Variants in GLI3 observed in about 807,000 individuals in gnomAD.
The protein encoded by GLI3 is transcription activator GLI3.
Under a neutral mutation model 100.8 loss-of-function variants are expected in GLI3, and 20 were observed. The observed-to-expected ratio is 0.20, with a 90% confidence interval of 0.14 to 0.29. GLI3 has a LOEUF of 0.29. GLI3 is among the 10% of genes least tolerant of loss of function. GLI3 has a pLI of 1.00. For missense variants in GLI3, 2,040 were observed against 2,128.5 expected (o/e 0.96, Z 0.82); for synonymous variants, 938 against 860.5 (o/e 1.09, Z -1.58).
chr7:42,201,167 TACA>T (rs953522732), intron 2 of GLI3, among the ~76,000 whole-genome samples: 4 of 152,176 alleles, frequency 2.6e-5, no homozygotes, highest in East Asian at 1.9e-4. Context: ...ATAGAATAAT[TACA>T]ACAATATACT....
intron 10 of GLI3, among the ~76,000 whole-genome samples, chr7:41,993,886 A>G (rs1788053969): frequency 6.6e-6 from 1 of 152,150 alleles, no homozygotes; most frequent in Admixed American, 6.5e-5. Flanking sequence ...AGGGTCCACC[A>G]AGGAGGGCCT....
At chr7:42,098,751 C>T (rs1227307759) in intron 3 of GLI3, among the ~76,000 whole-genome samples, 3 of 152,148 alleles carry the variant, frequency 2.0e-5, no homozygotes, top group Admixed American at 1.3e-4. Flanking sequence ...CCTTATTCCC[C>T]ATTGGGTCAG....
At chr7:42,022,919 T>C (rs1022809486) in intron 10 of GLI3, among the ~76,000 whole-genome samples, 1 of 152,108 alleles carries the variant, frequency 6.6e-6, no homozygotes, top group Non-Finnish European at 1.5e-5. Flanking sequence ...ACTAAATACA[T>C]TTAAAAACAC....
chr7:42,152,963 AC>A (rs1338555407), intron 2 of GLI3, among the ~76,000 whole-genome samples: 1 of 152,198 alleles, frequency 6.6e-6, no homozygotes, highest in African/African-American at 2.4e-5. Flanking sequence ...AGCTCAATTC[AC>A]CCCACACAAA....
chr7:42,078,948 C>T (rs1295294502), intron 3 of GLI3, among the ~76,000 whole-genome samples: 1 of 152,086 alleles, frequency 6.6e-6, no homozygotes, highest in Admixed American at 6.5e-5. Context: ...CCAGGATGGT[C>T]TTGATCTCCT....
intron 4 of GLI3, 70 bp from the exon 5 acceptor site, chr7:42,048,766 C>A: frequency 9.7e-7 from 1 of 1,027,024 alleles, no homozygotes; most frequent in Non-Finnish European, 1.5e-6. Context: ...GAGGCTGTCT[C>A]TGAAAGAAAA....
At chr7:42,232,645 G>T (rs1367962210) in intron 1 of GLI3, among the ~76,000 whole-genome samples, 2 of 152,222 alleles carry the variant, frequency 1.3e-5, no homozygotes, top group Non-Finnish European at 2.9e-5. Flanking sequence ...GGACAATGAT[G>T]TAAGTATTTT....
At chr7:42,231,059 TTTAA>T (rs1257805801) in intron 1 of GLI3, among the ~76,000 whole-genome samples, 4 of 152,240 alleles carry the variant, frequency 2.6e-5, no homozygotes, top group Non-Finnish European at 5.9e-5. Context: ...AAGAAAAAAC[TTTAA>T]TTATTCTTAT....
chr7:42,092,970 C>G (rs899869229), intron 3 of GLI3, among the ~76,000 whole-genome samples: 2 of 151,826 alleles, frequency 1.3e-5, no homozygotes, highest in Non-Finnish European at 2.9e-5. Flanking sequence ...CCCGCCACCA[C>G]GCCTGGCTAA....
intron 3 of GLI3, among the ~76,000 whole-genome samples, chr7:42,136,279 T>A (rs1786426769): frequency 6.6e-6 from 1 of 152,128 alleles, no homozygotes; most frequent in African/African-American, 2.4e-5. Flanking sequence ...AAGGACAACG[T>A]TTTATAAGAC....
intron 2 of GLI3, among the ~76,000 whole-genome samples, chr7:42,205,071 A>G (rs369525091): frequency 1.6e-4 from 24 of 152,364 alleles, no homozygotes; most frequent in African/African-American, 5.0e-4. Flanking sequence ...TTGAGGCTTA[A>G]GAAACTGCTG....
intron 10 of GLI3, among the ~76,000 whole-genome samples, chr7:41,993,677 A>G (rs1788047838): frequency 6.6e-6 from 1 of 152,176 alleles, no homozygotes; most frequent in African/African-American, 2.4e-5. Flanking sequence ...TACTTGCTGG[A>G]GGAATGTGTT....
At chr7:42,055,423 T>C (rs1354901233) in intron 4 of GLI3, among the ~76,000 whole-genome samples, 1 of 152,050 alleles carries the variant, frequency 6.6e-6, no homozygotes, top group Non-Finnish European at 1.5e-5. Flanking sequence ...CGGTTTCCAC[T>C]TAAGGGAAGC....
intron 3 of GLI3, among the ~76,000 whole-genome samples, chr7:42,088,528 G>A (rs1320702417): frequency 2.0e-5 from 3 of 152,192 alleles, no homozygotes; most frequent in Non-Finnish European, 2.9e-5. Flanking sequence ...TGCTCCTATG[G>A]TAATGCCTTG....
chr7:42,233,194 T>C (rs1379901419), intron 1 of GLI3, among the ~76,000 whole-genome samples: 1 of 152,190 alleles, frequency 6.6e-6, no homozygotes, highest in Non-Finnish European at 1.5e-5. Context: ...GAGAATGAAA[T>C]ATCTAAAGTG....
At chr7:42,011,269 G>A (rs954827512) in intron 10 of GLI3, among the ~76,000 whole-genome samples, 2 of 152,162 alleles carry the variant, frequency 1.3e-5, no homozygotes, top group African/African-American at 4.8e-5. Context: ...AAGAAGGGGT[G>A]GTACTGAGGG....
At chr7:42,214,862 TAA>T (rs34437341) in intron 2 of GLI3, among the ~76,000 whole-genome samples, 6,478 of 118,980 alleles carry the variant, frequency 0.054, 171 homozygotes, top group Non-Finnish European at 0.076. Flanking sequence ...CACTGGATGC[TAA>T]AAAAAAAAAA....
intron 1 of GLI3, among the ~76,000 whole-genome samples, chr7:42,234,965 CGTT>C (rs1393262141): frequency 6.6e-6 from 1 of 152,144 alleles, no homozygotes; most frequent in African/African-American, 2.4e-5. Context: ...TGTACCAGGT[CGTT>C]AAGACCAATA....
intron 10 of GLI3, among the ~76,000 whole-genome samples, chr7:42,018,972 G>A (rs1788852374): frequency 1.3e-5 from 2 of 152,272 alleles, no homozygotes; most frequent in South Asian, 2.1e-4. Context: ...GGGTTATGCT[G>A]CTGGGGATTG....
Sources: allele counts gnomAD v4.1 joint callset (sites outside exome capture counted in the v4.1 genomes callset), GRCh38; gene constraint gnomAD v4.1.1; transcripts MANE v1.5; gene names NCBI Gene and HGNC (gene_info 2026-07-23, HGNC 2026-07-21).